LSM14A: variants seen among roughly 807,000 people sequenced by gnomAD.
LSM14A encodes the protein LSM14A mRNA processing body assembly factor, also known as protein LSM14 homolog A.
In LSM14A, 14 loss-of-function variants were observed where a neutral mutation model predicts 52.4. That is an observed-to-expected ratio of 0.27 (90% CI 0.18 to 0.42). The LOEUF (loss-of-function observed/expected upper bound fraction) is 0.42, where lower values mean the gene tolerates loss of function less well. Ranked by LOEUF, LSM14A falls within the 10% of genes least tolerant of loss-of-function variation. The pLI is 1.00. For missense variants in LSM14A, 417 were observed against 581.8 expected, an observed-to-expected ratio of 0.72 and a Z score of 2.91; for synonymous variants, 185 against 200.3, an observed-to-expected ratio of 0.92 and a Z score of 0.64.
chr19:34,196,531 T>C, intron 2 of LSM14A, 103 bp from the exon 3 acceptor site: 1 of 1,120,702 alleles, frequency 8.9e-7, no homozygotes, highest in Non-Finnish European at 1.2e-6. Context: ...TATCTAGTAG[T>C]TATAATTTAA....
chr19:34,180,735 C>T (rs571470880), intron 1 of LSM14A, among the ~76,000 whole-genome samples: 1 of 152,280 alleles, frequency 6.6e-6, no homozygotes, highest in Admixed American at 6.5e-5. Context: ...TACACATTCC[C>T]TCAGCCCCCA....
At chr19:34,181,799 T>G (rs777450304) in intron 1 of LSM14A, among the ~76,000 whole-genome samples, 11 of 152,168 alleles carry the variant, frequency 7.2e-5, no homozygotes, top group Non-Finnish European at 1.0e-4. Context: ...GACTCCTATC[T>G]CTAGCCTGAA....
chr19:34,215,185 G>T lies in LSM14A; in HGVS notation c.600G>T (p.Gln200His), dbSNP rs1239974315. Residue 200 changes from glutamine (Q) to histidine (H), a missense_variant, in exon 5 of 10, where the codon CAG becomes CAT. Around this residue, in one of 2 missense-constraint regions of LSM14A, gnomAD observed 357 missense variants for 457.0 expected, o/e 0.78. Coordinates refer to ENST00000544216, the MANE Select transcript of LSM14A (RefSeq NM_015578.4). Reference protein sequence around the residue: ...RKSPTMEQAVQTASAHLPAPA... With the variant: ...RKSPTMEQAVHTASAHLPAPA... ...GCCCAACCATGGAACAAGCAGTGCA[G>T]ACCGCCTCAGCCCACTTACCTGCTC... is the stretch of plus-strand genomic sequence containing the variant. 6.2e-7 allele frequency: 1 copy of T among 1,614,034 alleles called. No individual in the cohort carries two copies. The highest frequency in any genetic ancestry group is 8.5e-7 in the Non-Finnish European group (1 of 1,180,036).
At chr19:34,214,270 A>G (rs919083388) in intron 4 of LSM14A, among the ~76,000 whole-genome samples, 8 of 151,706 alleles carry the variant, frequency 5.3e-5, no homozygotes, top group African/African-American at 1.9e-4. Flanking sequence ...AACTTCACCT[A>G]TCTAACTTTG....
intron 4 of LSM14A, among the ~76,000 whole-genome samples, chr19:34,209,827 T>C (rs954479232): frequency 6.6e-6 from 1 of 151,316 alleles, no homozygotes; most frequent in African/African-American, 2.4e-5. Flanking sequence ...ATTACAGGCG[T>C]GAGCCATTGG....
chr19:34,205,837 T>C (rs932531975), intron 3 of LSM14A, among the ~76,000 whole-genome samples: 2 of 152,168 alleles, frequency 1.3e-5, no homozygotes, highest in Non-Finnish European at 2.9e-5. Context: ...AGAGTTTGTT[T>C]TGGGTGGGTT....
chr19:34,187,782 C>G (rs956499306), intron 1 of LSM14A, among the ~76,000 whole-genome samples: 2 of 152,178 alleles, frequency 1.3e-5, no homozygotes, highest in Non-Finnish European at 2.9e-5. Flanking sequence ...GTATTATATA[C>G]ACTAACAACC....
At chr19:34,195,885 A>G (rs879670910) in intron 2 of LSM14A, among the ~76,000 whole-genome samples, 4 of 152,240 alleles carry the variant, frequency 2.6e-5, no homozygotes, top group Admixed American at 2.6e-4. Flanking sequence ...CAATCATCAT[A>G]AACTTCTACT....
intron 1 of LSM14A, among the ~76,000 whole-genome samples, chr19:34,192,332 T>TTG (rs1568479912): frequency 7.6e-6 from 1 of 131,398 alleles, no homozygotes; most frequent in Non-Finnish European, 1.7e-5. Context: ...TTTTTTTTTT[T>TTG]TTTTTTTTTT....
At chr19:34,227,033 T>C (rs76310788) in intron 9 of LSM14A, among the ~76,000 whole-genome samples, 1 of 152,214 alleles carries the variant, frequency 6.6e-6, no homozygotes, top group East Asian at 1.9e-4. Context: ...TTTGATGAGT[T>C]TGACTATTGA....
In LSM14A at chr19:34,227,457, T is replaced by G; in HGVS notation, c.*69T>G. 1 of 1,230,454 alleles carries G rather than the reference T, an allele frequency of 8.1e-7. No homozygotes were observed. The highest frequency in any genetic ancestry group is 1.5e-5 in the South Asian group (1 of 68,478). 76.2% of individuals were successfully genotyped at this position (1,230,454 alleles called of 1,614,324 possible). A position where few individuals can be genotyped will look rare whatever the true frequency, so the allele number is the denominator to read the frequency against. ...ATGGTCCTGAACATTGATTTCAGTC[T>G]TTGCAAAGAATGAAGAAGTGAATTC... On this transcript the variant is annotated 3_prime_UTR_variant, in exon 10 of 10. Transcript: ENST00000544216.
At chr19:34,223,763 A>G (rs1285923122) in intron 9 of LSM14A, among the ~76,000 whole-genome samples, 1 of 152,244 alleles carries the variant, frequency 6.6e-6, no homozygotes, top group African/African-American at 2.4e-5. Flanking sequence ...TCTGAGAAAA[A>G]GTACATTTAA....
chr19:34,212,717 CCAGTATCA>C (rs2072260236), intron 4 of LSM14A, among the ~76,000 whole-genome samples: 1 of 152,128 alleles, frequency 6.6e-6, no homozygotes, highest in African/African-American at 2.4e-5. Context: ...AATAATGTAT[CCAGTATCA>C]CAGTATCACC....
Position 34,227,787 on chromosome 19 carries a change from AGGTT to A in LSM14A, c.*401_*404del, listed in dbSNP as rs2073418728. The A allele has an allele frequency of 7.2e-6, 1 of 139,148 alleles. No homozygotes were observed. The allele number at this position is 139,148 out of a possible 1,614,324, so 8.6% of individuals were successfully genotyped here. ...GTGATACTGTGTTTTGAGCCACAGA[AGGTT>A]GTGTGTGTGTGTGTGTGTGTGTGTG... is the stretch of plus-strand genomic sequence containing the variant. On this transcript the variant is annotated 3_prime_UTR_variant, in exon 10 of 10. Coordinates refer to ENST00000544216, the MANE Select transcript of LSM14A (RefSeq NM_015578.4).
At chr19:34,194,403 C>A in intron 1 of LSM14A, 75 bp from the exon 2 acceptor site, 1 of 1,263,798 alleles carries the variant, frequency 7.9e-7, no homozygotes, top group South Asian at 1.3e-5. Flanking sequence ...ACTTGAAATA[C>A]AACATTTAGA....
At chr19:34,220,188 G>C (rs73595740) in intron 8 of LSM14A, among the ~76,000 whole-genome samples, 7 of 151,940 alleles carry the variant, frequency 4.6e-5, no homozygotes, top group African/African-American at 1.7e-4. Flanking sequence ...CAGGCTAATC[G>C]TGAACTCCTG....
intron 6 of LSM14A, 59 bp from the exon 7 acceptor site, chr19:34,219,332 T>C: frequency 8.5e-7 from 1 of 1,174,960 alleles, no homozygotes; most frequent in Non-Finnish European, 1.2e-6. Context: ...TAGCAACATC[T>C]GTGCTAAACC....
chr19:34,172,983 G>T (rs976580164), intron 1 of LSM14A, among the ~76,000 whole-genome samples: 14 of 152,232 alleles, frequency 9.2e-5, no homozygotes, highest in Non-Finnish European at 2.1e-4. Context: ...GAAGCCCGGG[G>T]AACTACGGGA....
chr19:34,172,572 C>T lies in LSM14A; in HGVS notation c.-71C>T. On this transcript the variant is annotated 5_prime_UTR_variant, in exon 1 of 10. Transcript: ENST00000544216. ...TGTAGGCGCCGACGGAGCGAGCGGG[C>T]GTGCGGAGCGGGCGACAGTGGCGTG... 4 of 1,449,148 alleles carry T rather than the reference C, an allele frequency of 2.8e-6. No homozygotes were observed. Among genetic ancestry groups the T allele is most frequent in the Non-Finnish European group, 3.6e-6 (4 of 1,099,790 alleles). 89.8% of individuals were successfully genotyped at this position (1,449,148 alleles called of 1,614,324 possible). A position where few individuals can be genotyped will look rare whatever the true frequency, so the allele number is the denominator to read the frequency against.
Sources: allele counts gnomAD v4.1 joint callset (sites outside exome capture counted in the v4.1 genomes callset), GRCh38; gene constraint gnomAD v4.1.1; regional missense constraint gnomAD v4.1.1; transcripts MANE v1.5; gene names NCBI Gene and HGNC (gene_info 2026-07-23, HGNC 2026-07-21).